The following PROS1 variants were observed in gnomAD, a reference collection of about 807,000 sequenced individuals.
The protein encoded by PROS1 is protein S.
PROS1 carries 29 observed loss-of-function variants against 75.9 expected under a neutral mutation model. The ratio of observed to expected loss-of-function variants is 0.38; its 90% confidence interval spans 0.28 to 0.52. PROS1 has a LOEUF of 0.52. Ranked by LOEUF, PROS1 falls within the 20% of genes least tolerant of loss-of-function variation. The probability of loss-of-function intolerance (pLI) is 0.83; values close to 1 mark genes in which losing one functional copy is unlikely to be tolerated. For missense variants in PROS1, 680 were observed against 810.3 expected (o/e 0.84, Z 1.95); for synonymous variants, 245 against 280.6 (o/e 0.87, Z 1.27).
chr3:93,969,917 A>T (rs1435354431), intron 1 of PROS1, among the ~76,000 whole-genome samples: 1 of 152,234 alleles, frequency 6.6e-6, no homozygotes, highest in Non-Finnish European at 1.5e-5. Flanking sequence ...AAACTTGATG[A>T]ACAGAAAAGG....
intron 10 of PROS1, among the ~76,000 whole-genome samples, chr3:93,891,225 A>G (rs1196223184): frequency 1.3e-5 from 2 of 152,154 alleles, no homozygotes; most frequent in Non-Finnish European, 2.9e-5. Flanking sequence ...CCACATTCTA[A>G]GGTGAAGCCA....
At chr3:93,913,645 C>A (rs1173588360) in intron 3 of PROS1, among the ~76,000 whole-genome samples, 1 of 152,218 alleles carries the variant, frequency 6.6e-6, no homozygotes, top group African/African-American at 2.4e-5. Flanking sequence ...CTCAGCCATG[C>A]TGAACTATAA....
chr3:93,934,181 T>G (rs75451848), intron 1 of PROS1, among the ~76,000 whole-genome samples: 1 of 148,072 alleles, frequency 6.8e-6, no homozygotes, highest in African/African-American at 2.5e-5. Context: ...CGCCATCACA[T>G]TAAAAAAAAA....
At chr3:93,893,155 T>C (rs569305617) in intron 9 of PROS1, 33 bp from the exon 10 acceptor site, 2 of 1,564,916 alleles carry the variant, frequency 1.3e-6, no homozygotes, top group Non-Finnish European at 1.7e-6. Flanking sequence ...TCCTTAAGAG[T>C]AAGAAATACA....
At chr3:93,903,722 C>T (rs1340536831) in intron 6 of PROS1, among the ~76,000 whole-genome samples, 5 of 151,890 alleles carry the variant, frequency 3.3e-5, no homozygotes, top group Admixed American at 6.6e-5. Context: ...AGTATTTAAG[C>T]GTAGAAGTAA....
intron 1 of PROS1, among the ~76,000 whole-genome samples, chr3:93,954,418 A>G (rs1411462789): frequency 6.6e-6 from 1 of 152,116 alleles, no homozygotes; most frequent in African/African-American, 2.4e-5. Context: ...TAGAAATAAT[A>G]CCACACATCT....
At chr3:93,959,760 G>A (rs1233412569) in intron 1 of PROS1, among the ~76,000 whole-genome samples, 1 of 152,194 alleles carries the variant, frequency 6.6e-6, no homozygotes, top group Non-Finnish European at 1.5e-5. Flanking sequence ...ATGTTTCAGG[G>A]ACTTCACTTT....
intron 1 of PROS1, among the ~76,000 whole-genome samples, chr3:93,959,280 C>T (rs1434381288): frequency 6.6e-6 from 1 of 152,090 alleles, no homozygotes; most frequent in East Asian, 1.9e-4. Context: ...CACCACTGCA[C>T]TCCAACCTGG....
At chr3:93,961,072 TA>T (rs1709699893) in intron 1 of PROS1, among the ~76,000 whole-genome samples, 1 of 152,084 alleles carries the variant, frequency 6.6e-6, no homozygotes, top group Non-Finnish European at 1.5e-5. Flanking sequence ...TTCATGATTC[TA>T]AAAAAGGGAA....
chr3:93,963,786 C>G (rs1709744405), intron 1 of PROS1, among the ~76,000 whole-genome samples: 1 of 152,096 alleles, frequency 6.6e-6, no homozygotes, highest in Non-Finnish European at 1.5e-5. Context: ...CACCTAGGGG[C>G]TGGTGCTAAG....
At chr3:93,927,885 G>C (rs545378134) in intron 1 of PROS1, among the ~76,000 whole-genome samples, 2 of 130,404 alleles carry the variant, frequency 1.5e-5, no homozygotes, top group Admixed American at 8.0e-5. Context: ...GTGTGTATGT[G>C]TATATATATA....
rs764804836 is a variant in PROS1 at position 93,879,218 on chromosome 3, T to A, written c.1589A>T (p.Asn530Ile). The part of the protein sequence containing the change: ...TGVMLALVSG[N>I]NTVPFAVSLV... ...GGACACAGCAAAGGGCACTGTGTTG[T>A]TACCAGAAACCAAGGCAAGCATAAC... The change falls in exon 13 of 15, where the codon AAC (asparagine) becomes ATC (isoleucine). Residue 530 changes from asparagine to isoleucine, a missense_variant. Physicochemically the swap from Asn to Ile is moderately radical, Grantham distance 149. Coordinates refer to ENST00000394236, the MANE Select transcript of PROS1 (RefSeq NM_000313.4). 2.5e-6 allele frequency: 4 copies of A among 1,614,166 alleles called. No homozygotes were observed. In the East Asian group the frequency reaches 8.9e-5, roughly 36 times the overall value.
intron 1 of PROS1, among the ~76,000 whole-genome samples, chr3:93,946,258 C>A: frequency 6.6e-6 from 1 of 152,160 alleles, no homozygotes; most frequent in Non-Finnish European, 1.5e-5. Flanking sequence ...TCAATGCCAT[C>A]CCCATCAAGC....
intron 12 of PROS1, among the ~76,000 whole-genome samples, chr3:93,882,361 G>T (rs1307791289): frequency 1.3e-5 from 2 of 152,148 alleles, no homozygotes; most frequent in African/African-American, 2.4e-5. Context: ...TAAAAACCTA[G>T]GGTCAGTATG....
chr3:93,922,649 G>C (rs1226206830), intron 3 of PROS1, among the ~76,000 whole-genome samples: 1 of 152,004 alleles, frequency 6.6e-6, no homozygotes, highest in Non-Finnish European at 1.5e-5. Flanking sequence ...AGCTGTTGTA[G>C]TTAGTAAAAC....
At chr3:93,952,120 C>T (rs1312519966) in intron 1 of PROS1, among the ~76,000 whole-genome samples, 1 of 152,128 alleles carries the variant, frequency 6.6e-6, no homozygotes, top group Non-Finnish European at 1.5e-5. Flanking sequence ...TAGACTCCCA[C>T]ACAATAATAA....
chr3:93,895,920 C>A (rs8178638), intron 9 of PROS1, among the ~76,000 whole-genome samples: 2,760 of 152,090 alleles, frequency 0.018, 98 homozygotes, highest in African/African-American at 0.063. Context: ...GCCGAGATTG[C>A]GCCACTGCAC....
intron 1 of PROS1, among the ~76,000 whole-genome samples, chr3:93,945,585 A>G (rs1189929981): frequency 6.6e-6 from 1 of 152,224 alleles, no homozygotes; most frequent in Non-Finnish European, 1.5e-5. Flanking sequence ...TAGATGCAGA[A>G]AAGGCCTTCA....
chr3:93,880,964 A>T (rs1708268381), intron 12 of PROS1, among the ~76,000 whole-genome samples: 1 of 152,174 alleles, frequency 6.6e-6, no homozygotes, highest in Non-Finnish European at 1.5e-5. Flanking sequence ...GGCAGAACAG[A>T]ACTAGGCATT....
Sources: allele counts gnomAD v4.1 joint callset (sites outside exome capture counted in the v4.1 genomes callset), GRCh38; gene constraint gnomAD v4.1.1; transcripts MANE v1.5; gene names NCBI Gene and HGNC (gene_info 2026-07-23, HGNC 2026-07-21).